The following STK32C variants were observed in gnomAD, a reference collection of about 807,000 sequenced individuals.
STK32C encodes serine/threonine kinase 32C.
STK32C carries 31 observed loss-of-function variants against 56.5 expected under a neutral mutation model. The observed-to-expected ratio is 0.55, with a 90% CI of 0.41 to 0.74. The LOEUF (loss-of-function observed/expected upper bound fraction) is 0.74, where lower values mean the gene tolerates loss of function less well. Ranked by LOEUF, STK32C falls within the 30% of genes least tolerant of loss-of-function variation. The probability of loss-of-function intolerance (pLI) is 0.00; values close to 1 mark genes in which losing one functional copy is unlikely to be tolerated. For missense variants in STK32C, 544 were observed against 676.9 expected (o/e 0.80, Z 2.18); for synonymous variants, 309 against 289.4 (o/e 1.07, Z -0.69).
At chr10:132,281,965 G>A (rs1157804374) in intron 1 of STK32C, among the ~76,000 whole-genome samples, 2 of 152,188 alleles carry the variant, frequency 1.3e-5, no homozygotes, top group East Asian at 1.9e-4. Context: ...CATGCTGTCC[G>A]CTGCCACTCT....
chr10:132,261,884 G>A (rs2064317062), intron 1 of STK32C, among the ~76,000 whole-genome samples: 1 of 152,184 alleles, frequency 6.6e-6, no homozygotes, highest in South Asian at 2.1e-4. Flanking sequence ...GTAATCTACT[G>A]ATTCAATGCT....
chr10:132,224,572 AC>A, intron 7 of STK32C, 49 bp from the exon 8 acceptor site: 1 of 1,397,224 alleles, frequency 7.2e-7, no homozygotes, highest in Non-Finnish European at 1.0e-6. Context: ...CCCCCAGGAC[AC>A]CCAGAACAAT....
chr10:132,225,159 C>G (rs2062840335), intron 7 of STK32C, 74 bp downstream of exon 7: 1 of 1,278,324 alleles, frequency 7.8e-7, no homozygotes, highest in Non-Finnish European at 1.1e-6. Context: ...GGGCAGCCAC[C>G]CCCTCCCCAG....
chr10:132,225,393 G>A (rs1388976614), intron 6 of STK32C, 57 bp from the exon 7 acceptor site: 1 of 1,587,710 alleles, frequency 6.3e-7, no homozygotes, highest in Non-Finnish European at 8.6e-7. Flanking sequence ...CGGACCCGTG[G>A]GCACAGGGCC....
At chr10:132,223,275 T>G (rs1430932760) in intron 8 of STK32C, among the ~76,000 whole-genome samples, 1 of 152,204 alleles carries the variant, frequency 6.6e-6, no homozygotes, top group South Asian at 2.1e-4. Flanking sequence ...CTGCTGGGAT[T>G]TGCCAGGAGG....
intron 1 of STK32C, chr10:132,306,863 C>A (rs1477261648): frequency 4.6e-5 from 7 of 152,206 alleles, no homozygotes. Flanking sequence ...TTCGGGGGTC[C>A]CCGGGGCCCC....
chr10:132,286,707 T>G (rs984274381), intron 1 of STK32C, among the ~76,000 whole-genome samples: 7 of 152,148 alleles, frequency 4.6e-5, no homozygotes, highest in Non-Finnish European at 1.0e-4. Flanking sequence ...CTGTTAATAA[T>G]TAAAAATATA....
chr10:132,293,592 G>C (rs2065638380), intron 1 of STK32C, among the ~76,000 whole-genome samples: 1 of 152,266 alleles, frequency 6.6e-6, no homozygotes. Flanking sequence ...AGCCGGCCAG[G>C]CACACGGAGG....
intron 1 of STK32C, among the ~76,000 whole-genome samples, chr10:132,299,162 A>T (rs1186484199): frequency 2.7e-5 from 4 of 149,440 alleles, no homozygotes; most frequent in Admixed American, 2.7e-4. Flanking sequence ...CCACCAGCCA[A>T]CAGCGAACTG....
At chr10:132,209,580 C>T (rs999128222) in intron 10 of STK32C, among the ~76,000 whole-genome samples, 1 of 152,138 alleles carries the variant, frequency 6.6e-6, no homozygotes, top group East Asian at 1.9e-4. Context: ...GGAGGCTGCC[C>T]CTGGCAGGAC....
intron 1 of STK32C, among the ~76,000 whole-genome samples, chr10:132,281,390 G>C (rs1051723736): frequency 6.6e-6 from 1 of 152,076 alleles, no homozygotes; most frequent in Non-Finnish European, 1.5e-5. Context: ...ACAAAAGCCT[G>C]TTAAATACAA....
chr10:132,298,209 G>A (rs369332548), intron 1 of STK32C, among the ~76,000 whole-genome samples: 3 of 152,344 alleles, frequency 2.0e-5, no homozygotes, highest in African/African-American at 7.2e-5. Context: ...ACTTCACCCT[G>A]TGTGGTCCCT....
At chr10:132,330,887 A>G (rs2066674696) in intron 1 of STK32C, among the ~76,000 whole-genome samples, 2 of 151,628 alleles carry the variant, frequency 1.3e-5, no homozygotes, top group South Asian at 4.2e-4. Context: ...GTTTCTCCAC[A>G]TAATTATGTC....
At chr10:132,303,437 G>C (rs2065969495) in intron 1 of STK32C, among the ~76,000 whole-genome samples, 1 of 152,202 alleles carries the variant, frequency 6.6e-6, no homozygotes, top group Non-Finnish European at 1.5e-5. Context: ...TGATGAATCT[G>C]ACCACACACA....
At chr10:132,221,691 C>T (rs966561857) in intron 10 of STK32C, among the ~76,000 whole-genome samples, 2 of 147,450 alleles carry the variant, frequency 1.4e-5, no homozygotes, top group Non-Finnish European at 3.0e-5. Context: ...CGTCCCCACA[C>T]ACACAACTGA....
downstream of STK32C, chr10:132,323,894 G>A: frequency 4.8e-6 from 1 of 209,442 alleles, no homozygotes; most frequent in Non-Finnish European, 9.6e-6. The surrounding 1 kb of genome is among the most constrained non-coding windows in gnomAD (Gnocchi z 4.8). Flanking sequence ...AAGTGGAAGG[G>A]GGAGTGGGAC....
At chr10:132,247,572 GGA>G (rs1049350743) in intron 1 of STK32C, among the ~76,000 whole-genome samples, 1 of 152,164 alleles carries the variant, frequency 6.6e-6, no homozygotes, top group Non-Finnish European at 1.5e-5. Context: ...ATCAGCTGGG[GGA>G]AGGGAGGGGG....
At chr10:132,285,575 A>G (rs77157895) in intron 1 of STK32C, among the ~76,000 whole-genome samples, 2,151 of 152,388 alleles carry the variant, frequency 0.014, 57 homozygotes, top group African/African-American at 0.049. Flanking sequence ...ATTTCAAACA[A>G]GGGATATTTG....
upstream of STK32C, among the ~76,000 whole-genome samples, chr10:132,310,711 A>G (rs2138425279): frequency 6.6e-6 from 1 of 152,324 alleles, no homozygotes; most frequent in Admixed American, 6.5e-5. The surrounding 1 kb of genome is among the most constrained non-coding windows in gnomAD (Gnocchi z 4.6). Context: ...ACCAAGTGAC[A>G]ATGTGACAGA....
Sources: gnomAD v4.1 joint callset for allele counts (sites outside exome capture counted in the v4.1 genomes callset) on GRCh38, gnomAD v4.1.1 for gene constraint, Gnocchi (gnomAD v3.1) non-coding constraint, MANE v1.5 for transcripts, NCBI Gene and HGNC (gene_info 2026-07-23, HGNC 2026-07-21) for gene names.